Variants in PCDHGA2 observed in about 807,000 individuals in gnomAD.
PCDHGA2 encodes protocadherin gamma subfamily A, 2, also known as protocadherin gamma-A2.
In PCDHGA2, 40 loss-of-function variants were observed where a neutral mutation model predicts 59.2. That is an observed-to-expected ratio of 0.68 (90% confidence interval 0.52 to 0.88). PCDHGA2 has a LOEUF of 0.88. Among genes scored for constraint, PCDHGA2 ranks in the 40% least tolerant of loss-of-function variants. The probability of loss-of-function intolerance (pLI) is 0.00; values close to 1 mark genes in which losing one functional copy is unlikely to be tolerated. For missense variants in PCDHGA2, 1,226 were observed against 1,204.0 expected (o/e 1.02, Z -0.27); for synonymous variants, 560 against 526.0 (o/e 1.06, Z -0.89).
intron 2 of PCDHGA2, among the ~76,000 whole-genome samples, chr5:141,501,719 T>C (rs1024307894): frequency 6.6e-6 from 1 of 152,028 alleles, no homozygotes; most frequent in African/African-American, 2.4e-5. Context: ...AAAAGACAAA[T>C]ATATTACCCA....
Position 141,431,854 on chromosome 5 carries a change from A to G in PCDHGA2, c.2425-62953A>G. On this transcript the variant is annotated intron_variant, in intron 1 of 3. Coordinates refer to ENST00000394576, the MANE Select transcript of PCDHGA2 (RefSeq NM_018915.4). The surrounding 1 kb of genome is among the most constrained non-coding windows in gnomAD (Gnocchi z 4.8). Reference sequence around the variant, plus strand: ...CCGAAAACTCTCCCAGAGGGACATTAATTGCCCTTTTAAATGTAAATGACC... The same window carrying G: ...CCGAAAACTCTCCCAGAGGGACATTGATTGCCCTTTTAAATGTAAATGACC... The G allele has an allele frequency of 6.2e-7, 1 of 1,614,230 alleles. No individual in the cohort carries two copies. The highest frequency in any genetic ancestry group is 1.3e-5 in the African/African-American group (1 of 75,070).
chr5:141,357,275 A>G (rs1164189743), intron 1 of PCDHGA2: 3 of 1,613,272 alleles, frequency 1.9e-6, no homozygotes, highest in East Asian at 2.2e-5. Context: ...CTCACACTCT[A>G]TCTCGTGGTG....
At chr5:141,483,009 C>G (rs538900128) in intron 1 of PCDHGA2, among the ~76,000 whole-genome samples, 1 of 152,060 alleles carries the variant, frequency 6.6e-6, no homozygotes, top group South Asian at 2.1e-4. Context: ...TGCTTGAACC[C>G]GGGAGGCAGA....
chr5:141,430,659 G>A, intron 1 of PCDHGA2: 1 of 1,110,600 alleles, frequency 9.0e-7, no homozygotes, highest in Non-Finnish European at 1.2e-6. Context: ...AACAACGGAG[G>A]AGCTCTGACT....
chr5:141,361,403 C>G (rs376882541), intron 1 of PCDHGA2: 10 of 1,613,932 alleles, frequency 6.2e-6, no homozygotes, highest in Non-Finnish European at 7.6e-6. Context: ...CTCACCATCA[C>G]AGCCACCGAC....
At chr5:141,389,408 G>A (rs2091745894) in intron 1 of PCDHGA2, 6 of 1,613,494 alleles carry the variant, frequency 3.7e-6, no homozygotes, top group Admixed American at 1.7e-5. Flanking sequence ...TAAGCGCGGA[G>A]AGCGGGGTGG....
intron 1 of PCDHGA2, among the ~76,000 whole-genome samples, chr5:141,459,757 G>T (rs1360124889): frequency 6.6e-6 from 1 of 152,162 alleles, no homozygotes; most frequent in Admixed American, 6.6e-5. Flanking sequence ...ATTCTAGTGG[G>T]TGTGTGATAC....
At chr5:141,393,357 G>C in intron 1 of PCDHGA2, 5 of 1,613,924 alleles carry the variant, frequency 3.1e-6, no homozygotes, top group Admixed American at 1.7e-5. Flanking sequence ...CTCCCTGGAC[G>C]TGCAGACTGG....
intron 1 of PCDHGA2, chr5:141,479,646 A>G (rs2099501987): frequency 6.6e-6 from 1 of 152,256 alleles, no homozygotes; most frequent in Admixed American, 6.5e-5. Context: ...CAACAACAAC[A>G]ACAACAATCC....
chr5:141,387,788 A>G, intron 1 of PCDHGA2: 2 of 1,487,916 alleles, frequency 1.3e-6, no homozygotes, highest in Non-Finnish European at 1.8e-6. Flanking sequence ...TGGAACTGCA[A>G]CTAAAGTCCG....
intron 1 of PCDHGA2, chr5:141,372,718 C>G: frequency 6.2e-7 from 1 of 1,613,818 alleles, no homozygotes; most frequent in East Asian, 2.2e-5. Flanking sequence ...GCTGAAAATG[C>G]TGCACCACAA....
chr5:141,433,256 C>T, intron 1 of PCDHGA2: 2 of 1,385,666 alleles, frequency 1.4e-6, no homozygotes, highest in Non-Finnish European at 2.0e-6. Context: ...TGCAGCGGTA[C>T]GATCATAGCT....
At chr5:141,371,941 C>A (rs781345070) in intron 1 of PCDHGA2, 1 of 1,613,174 alleles carries the variant, frequency 6.2e-7, no homozygotes, top group Non-Finnish European at 8.5e-7. Flanking sequence ...GTGGTGTTCG[C>A]GCAGCGAGCC....
chr5:141,400,516 C>T, intron 1 of PCDHGA2: 2 of 1,613,964 alleles, frequency 1.2e-6, no homozygotes, highest in African/African-American at 1.3e-5. Context: ...GACTTCCCAT[C>T]CTGAGTTGGT....
intron 1 of PCDHGA2, chr5:141,468,541 A>G (rs1407685120): frequency 6.6e-6 from 1 of 152,076 alleles, no homozygotes. Context: ...GTTTCCTGAC[A>G]TATTTAACAT....
In PCDHGA2 at chr5:141,417,855, G is replaced by T. The variant is rs1436078486; in HGVS notation, c.2424+76460G>T. The T allele has an allele frequency of 2.6e-6, 4 of 1,544,916 alleles. No individual in the cohort carries two copies. In the Admixed American group the frequency reaches 8.0e-5, roughly 31 times the overall value. ...GCGGGGACCCAGCGAGAACCCGAGC[G>T]AACGATGGGAGGGAGCTGCGCGCAG... On this transcript the variant is annotated intron_variant, in intron 1 of 3. Transcript: ENST00000394576.
intron 1 of PCDHGA2, among the ~76,000 whole-genome samples, chr5:141,449,673 G>A (rs7725811): frequency 0.049 from 7,346 of 150,528 alleles, 281 homozygotes; most frequent in African/African-American, 0.1. Flanking sequence ...AAGTGTGTAT[G>A]TATATATGTT....
chr5:141,501,715 C>G lies in PCDHGA2; in HGVS notation c.2484-3678C>G, dbSNP rs139761188. On this transcript the variant is annotated intron_variant, in intron 2 of 3. Coordinates refer to ENST00000394576, the MANE Select transcript of PCDHGA2 (RefSeq NM_018915.4). ...AGGGTGATTCCGAGGATAAAAAAGA[C>G]AAATATATTACCCAGTCAGCTTAGA... 1.3e-3 allele frequency among the ~76,000 whole-genome samples: 192 copies of G among 152,192 alleles called. 1 individual carries two copies. The highest frequency in any genetic ancestry group is 4.5e-3 in the African/African-American group (185 of 41,512).
At chr5:141,419,741 A>G (rs769795920) in intron 1 of PCDHGA2, 1 of 1,613,856 alleles carries the variant, frequency 6.2e-7, no homozygotes. Context: ...CGAGGTGCGC[A>G]TGGTGCGTGC....
Sources: gnomAD v4.1 joint callset for allele counts (sites outside exome capture counted in the v4.1 genomes callset) on GRCh38, gnomAD v4.1.1 for gene constraint, Gnocchi (gnomAD v3.1) non-coding constraint, MANE v1.5 for transcripts, NCBI Gene and HGNC (gene_info 2026-07-23, HGNC 2026-07-21) for gene names.